Variants in METTL16 observed in about 807,000 individuals in gnomAD.
METTL16 encodes RNA N(6)-adenosine-methyltransferase METTL16.
METTL16 carries 19 observed loss-of-function variants against 57.9 expected under a neutral mutation model. The observed-to-expected ratio is 0.33, with a 90% CI of 0.23 to 0.48. The LOEUF (loss-of-function observed/expected upper bound fraction) is 0.48. METTL16 is among the 20% of genes least tolerant of loss of function. The probability of loss-of-function intolerance (pLI) is 0.99; values close to 1 mark genes in which losing one functional copy is unlikely to be tolerated. For missense variants in METTL16, 434 were observed against 691.5 expected, an observed-to-expected ratio of 0.63 and a Z score of 4.18; for synonymous variants, 246 against 255.6, an observed-to-expected ratio of 0.96 and a Z score of 0.36.
intron 3 of METTL16, among the ~76,000 whole-genome samples, chr17:2,474,594 C>T (rs1266562956): frequency 6.6e-6 from 1 of 152,120 alleles, no homozygotes; most frequent in East Asian, 1.9e-4. Context: ...TTATGTAGAA[C>T]CGCTAGCCCT....
intron 6 of METTL16, among the ~76,000 whole-genome samples, chr17:2,452,735 C>CTG (rs750591520): frequency 1.3e-5 from 2 of 152,192 alleles, no homozygotes; most frequent in Non-Finnish European, 2.9e-5. Flanking sequence ...TTCCTTCATT[C>CTG]TGTGTGTATG....
At chr17:2,437,707 G>A (rs562292220) in intron 8 of METTL16, among the ~76,000 whole-genome samples, 4 of 151,868 alleles carry the variant, frequency 2.6e-5, no homozygotes, top group South Asian at 2.1e-4. Flanking sequence ...GTGCCACCAC[G>A]CCCAGCTAAT....
chr17:2,442,731 A>G (rs1346036381), intron 6 of METTL16, among the ~76,000 whole-genome samples: 1 of 152,226 alleles, frequency 6.6e-6, no homozygotes, highest in African/African-American at 2.4e-5. Context: ...AGAGGTATAG[A>G]ACAACTTTTT....
At position 2,420,655 on chromosome 17, in the gene METTL16, T is replaced by G; in HGVS notation, c.1063-59A>C. ...TCACGTTTCCCCTCTCTCCAAACTC[T>G]CAATAAAAAAAAAAAGAAAAAAGAA... On this transcript the variant is annotated intron_variant, in intron 9 of 9. Coordinates refer to ENST00000263092, the MANE Select transcript of METTL16 (RefSeq NM_024086.4). The surrounding 1 kb of genome is among the most constrained non-coding windows in gnomAD (Gnocchi z 5.4). The G allele has an allele frequency of 6.4e-7, 1 of 1,557,170 alleles. No homozygotes were observed. The highest frequency in any genetic ancestry group is 8.6e-7 in the Non-Finnish European group (1 of 1,158,854).
rs1462701887 is a variant in METTL16, at chr17:2,442,649, G to A, written c.729-1090C>T. ...ACTCTCAGTATCAGAACTGAAAGAG[G>A]GGACGTCCCACAGACCCTATAGGTA... On this transcript the variant is annotated intron_variant, in intron 6 of 9. Transcript: ENST00000263092. Among the ~76,000 whole-genome samples the A allele has an allele frequency of 2.6e-5, 4 of 151,992 alleles. No individual in the cohort carries two copies. The East Asian group carries it at 7.7e-4, about 29-fold the overall frequency.
chr17:2,447,431 C>A (rs1307154379), intron 6 of METTL16, among the ~76,000 whole-genome samples: 1 of 141,938 alleles, frequency 7.0e-6, no homozygotes, highest in East Asian at 2.0e-4. Context: ...CGGCAGCCAC[C>A]CCGTCCGGGA....
intron 8 of METTL16, among the ~76,000 whole-genome samples, chr17:2,427,894 A>G (rs1168830674): frequency 2.6e-5 from 4 of 151,176 alleles, no homozygotes; most frequent in South Asian, 2.1e-4. Context: ...CAGGAGGATC[A>G]CTTGAGCCCA....
At chr17:2,441,108 G>C (rs1372545386) in intron 7 of METTL16, among the ~76,000 whole-genome samples, 1 of 151,742 alleles carries the variant, frequency 6.6e-6, no homozygotes, top group Non-Finnish European at 1.5e-5. Context: ...ATACACAATG[G>C]AATACTATTC....
intron 2 of METTL16, among the ~76,000 whole-genome samples, chr17:2,483,841 T>C (rs2067323714): frequency 6.6e-6 from 1 of 152,242 alleles, no homozygotes; most frequent in African/African-American, 2.4e-5. Context: ...GCCAATTCCA[T>C]TTCCTTCAAT....
At chr17:2,478,463 T>C (rs955432222) in intron 2 of METTL16, among the ~76,000 whole-genome samples, 1 of 152,196 alleles carries the variant, frequency 6.6e-6, no homozygotes, top group Non-Finnish European at 1.5e-5. Flanking sequence ...AGACATCAAA[T>C]TTTAAATGTA....
intron 5 of METTL16, 79 bp downstream of exon 5, chr17:2,467,682 T>A (rs1342474372): frequency 1.6e-5 from 17 of 1,074,612 alleles, no homozygotes; most frequent in Non-Finnish European, 2.3e-5. Flanking sequence ...CGCCTTGGCC[T>A]CCCAAAGTGC....
chr17:2,488,396 G>C (rs1164003532), intron 2 of METTL16, among the ~76,000 whole-genome samples: 1 of 151,762 alleles, frequency 6.6e-6, no homozygotes, highest in Non-Finnish European at 1.5e-5. Flanking sequence ...ATCTCTACTA[G>C]AAATACAAAA....
At chr17:2,429,815 CT>C (rs1234072129) in intron 8 of METTL16, among the ~76,000 whole-genome samples, 51 of 147,066 alleles carry the variant, frequency 3.5e-4, no homozygotes, top group East Asian at 1.2e-3. Flanking sequence ...GCTGCTGCTT[CT>C]TTTTTTTTTT....
intron 6 of METTL16, among the ~76,000 whole-genome samples, chr17:2,450,467 G>C (rs1227605930): frequency 6.6e-6 from 1 of 152,152 alleles, no homozygotes; most frequent in Non-Finnish European, 1.5e-5. Flanking sequence ...ACTGCAGAGG[G>C]GAACAGGAAA....
intron 6 of METTL16, among the ~76,000 whole-genome samples, chr17:2,445,100 T>A (rs144041556): frequency 1.3e-5 from 2 of 152,194 alleles, no homozygotes; most frequent in East Asian, 3.8e-4. Context: ...TCCACCCACC[T>A]TGGCCTCCCA....
At chr17:2,428,012 G>A (rs1262826497) in intron 8 of METTL16, among the ~76,000 whole-genome samples, 1 of 149,500 alleles carries the variant, frequency 6.7e-6, no homozygotes, top group Non-Finnish European at 1.5e-5. Context: ...GAGGGAGGAA[G>A]TGGAAGAGGG....
chr17:2,498,209 C>T (rs1054781815), intron 2 of METTL16, among the ~76,000 whole-genome samples: 5 of 143,780 alleles, frequency 3.5e-5, no homozygotes, highest in Non-Finnish European at 6.0e-5. Flanking sequence ...AAAAAGAGAT[C>T]GAGACCATCC....
chr17:2,442,373 AAC>A (rs1597445396), intron 6 of METTL16, among the ~76,000 whole-genome samples: 1 of 152,358 alleles, frequency 6.6e-6, no homozygotes, highest in African/African-American at 2.4e-5. Context: ...AAGAAATTCA[AAC>A]ACAGTCCAAC....
At chr17:2,464,738 C>T (rs895460609) in intron 5 of METTL16, among the ~76,000 whole-genome samples, 1 of 152,124 alleles carries the variant, frequency 6.6e-6, no homozygotes, top group Non-Finnish European at 1.5e-5. Context: ...TTAATCCACC[C>T]TTACCTCATA....
Sources: gnomAD v4.1 joint callset for allele counts (sites outside exome capture counted in the v4.1 genomes callset) on GRCh38, gnomAD v4.1.1 for gene constraint, Gnocchi (gnomAD v3.1) non-coding constraint, MANE v1.5 for transcripts, NCBI Gene and HGNC (gene_info 2026-07-23, HGNC 2026-07-21) for gene names.